UBAP2: variants seen among roughly 807,000 people sequenced by gnomAD.
UBAP2 encodes ubiquitin associated protein 2.
Under a neutral mutation model 139.6 loss-of-function variants are expected in UBAP2, and 75 were observed. The observed-to-expected ratio is 0.54, with a 90% confidence interval of 0.45 to 0.65. The LOEUF (loss-of-function observed/expected upper bound fraction) is 0.65. Among genes scored for constraint, UBAP2 ranks in the 30% least tolerant of loss-of-function variants. The pLI is 0.00. For synonymous variants in UBAP2, 526 were observed against 526.2 expected, an observed-to-expected ratio of 1.00 and a Z score of 0.01; for missense variants, 1,368 against 1,369.6, an observed-to-expected ratio of 1.00 and a Z score of 0.02.
chr9:34,026,371 TG>T (rs146466765), intron 1 of UBAP2, among the ~76,000 whole-genome samples: 12,024 of 152,236 alleles, frequency 0.079, 676 homozygotes, highest in Non-Finnish European at 0.12. Context: ...GAAAAACTAA[TG>T]TTTTTTTCAA....
intron 22 of UBAP2, among the ~76,000 whole-genome samples, chr9:33,924,922 T>C (rs1463807611): frequency 6.6e-6 from 1 of 152,228 alleles, no homozygotes; most frequent in Non-Finnish European, 1.5e-5. Flanking sequence ...GCTCATCAGC[T>C]ATCTTTAATG....
intron 13 of UBAP2, among the ~76,000 whole-genome samples, chr9:33,946,562 A>G (rs546044843): frequency 6.6e-6 from 1 of 152,178 alleles, no homozygotes; most frequent in Non-Finnish European, 1.5e-5. Flanking sequence ...CAGATAGTAC[A>G]ACAACCTAAT....
intron 8 of UBAP2, among the ~76,000 whole-genome samples, chr9:33,970,790 T>G (rs1214907652): frequency 2.0e-5 from 3 of 152,036 alleles, no homozygotes; most frequent in Non-Finnish European, 2.9e-5. Context: ...TTAAATTATG[T>G]TTCTGTTTTT....
At chr9:34,038,895 ACC>A (rs1826735395) in intron 1 of UBAP2, among the ~76,000 whole-genome samples, 1 of 100,342 alleles carries the variant, frequency 1.0e-5, no homozygotes, top group East Asian at 2.5e-4. Flanking sequence ...CTGCCCCGCC[ACC>A]CCGTCTGGGA....
In UBAP2 at chr9:33,943,832, CAA is replaced by C. The variant is rs561248163; in HGVS notation, c.1546-245_1546-244del. 2.0e-5 allele frequency among the ~76,000 whole-genome samples: 3 copies of C among 151,806 alleles called. No homozygotes were observed. In the South Asian group the frequency reaches 6.2e-4, roughly 31 times the overall value. On this transcript the variant is annotated intron_variant, in intron 14 of 28. Coordinates refer to ENST00000379238, the MANE Select transcript of UBAP2 (RefSeq NM_001370062.2). Reference sequence around the variant, plus strand: ...CTGTAATCCCAGGACTTTGGGAGGCCAAGACAGGAGGATCATTTGCACCCAGG... The same window carrying C: ...CTGTAATCCCAGGACTTTGGGAGGCCGACAGGAGGATCATTTGCACCCAGG...
intron 1 of UBAP2, among the ~76,000 whole-genome samples, chr9:34,048,585 CG>C (rs1256978341): frequency 6.6e-6 from 1 of 151,854 alleles, no homozygotes; most frequent in East Asian, 1.9e-4. Context: ...CCGACCTGGA[CG>C]GGGGAAAGTA....
chr9:34,039,174 C>T (rs1826791363), intron 1 of UBAP2, among the ~76,000 whole-genome samples: 2 of 151,412 alleles, frequency 1.3e-5, no homozygotes, highest in Admixed American at 1.3e-4. Context: ...GCCAGCCGCC[C>T]CTTCCGGGAG....
At chr9:34,040,061 A>C (rs1826920443) in intron 1 of UBAP2, among the ~76,000 whole-genome samples, 1 of 151,678 alleles carries the variant, frequency 6.6e-6, no homozygotes, top group Admixed American at 6.6e-5. Context: ...TGGGAGGCTG[A>C]GGCAGGAGAA....
chr9:33,933,367 C>CA, intron 18 of UBAP2, 123 bp downstream of exon 18: 2 of 1,181,164 alleles, frequency 1.7e-6, no homozygotes, highest in Admixed American at 5.3e-5. Flanking sequence ...AGTCGTAATG[C>CA]AAAAGCCCAG....
intron 2 of UBAP2, among the ~76,000 whole-genome samples, chr9:34,000,085 T>A (rs2131197737): frequency 6.6e-6 from 1 of 152,120 alleles, no homozygotes; most frequent in Admixed American, 6.6e-5. Flanking sequence ...GTTGCTGGGA[T>A]TACAGGCGCC....
intron 16 of UBAP2, among the ~76,000 whole-genome samples, chr9:33,939,566 T>C (rs1329042050): frequency 2.7e-5 from 4 of 149,376 alleles, no homozygotes; most frequent in African/African-American, 9.9e-5. Flanking sequence ...GAGACTAGCC[T>C]GGGTAACATG....
At chr9:34,000,333 T>C (rs1332243633) in intron 2 of UBAP2, among the ~76,000 whole-genome samples, 4 of 152,186 alleles carry the variant, frequency 2.6e-5, no homozygotes, top group Non-Finnish European at 5.9e-5. Context: ...TCAATCACAT[T>C]ACTGACTGAA....
chr9:33,960,092 G>A (rs971066786), intron 10 of UBAP2, among the ~76,000 whole-genome samples: 1 of 151,754 alleles, frequency 6.6e-6, no homozygotes, highest in Non-Finnish European at 1.5e-5. Context: ...CCCACACCCA[G>A]GTAATTTTTT....
At chr9:33,963,512 G>GA (rs1827228591) in intron 9 of UBAP2, among the ~76,000 whole-genome samples, 1 of 152,116 alleles carries the variant, frequency 6.6e-6, no homozygotes, top group Non-Finnish European at 1.5e-5. Context: ...TAGGAACATG[G>GA]AAAATAATGA....
chr9:34,018,165 A>T (rs908833136), intron 1 of UBAP2, among the ~76,000 whole-genome samples: 4 of 141,408 alleles, frequency 2.8e-5, no homozygotes, highest in African/African-American at 7.9e-5. Context: ...ACCTCAATTT[A>T]AAAAAAAAAA....
chr9:33,953,909 C>CT (rs879881127), intron 11 of UBAP2, among the ~76,000 whole-genome samples: 249 of 146,038 alleles, frequency 1.7e-3, no homozygotes, highest in East Asian at 2.8e-3. Flanking sequence ...ATAAGTTTCA[C>CT]TTTTTTTTTT....
chr9:34,029,459 G>C (rs1479524893), intron 1 of UBAP2, among the ~76,000 whole-genome samples: 1 of 151,758 alleles, frequency 6.6e-6, no homozygotes, highest in African/African-American at 2.4e-5. Flanking sequence ...AACCCAGGAG[G>C]CGGAGGTTGC....
At chr9:33,972,935 A>C (rs1828019996) in intron 7 of UBAP2, among the ~76,000 whole-genome samples, 2 of 152,170 alleles carry the variant, frequency 1.3e-5, no homozygotes, top group African/African-American at 4.8e-5. Context: ...TATACAGGAG[A>C]TCCTACCACC....
intron 12 of UBAP2, among the ~76,000 whole-genome samples, chr9:33,949,492 CA>C (rs1825917909): frequency 6.6e-6 from 1 of 152,124 alleles, no homozygotes; most frequent in South Asian, 2.1e-4. Flanking sequence ...CACCTGAGGT[CA>C]GGAGTTAGAG....
Sources: gnomAD v4.1 joint callset for allele counts (sites outside exome capture counted in the v4.1 genomes callset) on GRCh38, gnomAD v4.1.1 for gene constraint, MANE v1.5 for transcripts, NCBI Gene and HGNC (gene_info 2026-07-23, HGNC 2026-07-21) for gene names.